BMAL1: variants seen among roughly 807,000 people sequenced by gnomAD.
The protein encoded by BMAL1 is basic helix-loop-helix ARNT like 1.
the BMAL1 span, among the ~76,000 whole-genome samples, chr11:13,306,342 C>CA: frequency 6.6e-6 from 1 of 152,100 alleles, no homozygotes; most frequent in African/African-American, 2.4e-5. Flanking sequence ...CTGGCCGTGA[C>CA]AGTAGAACTG....
At chr11:13,346,234 C>T in the BMAL1 span, among the ~76,000 whole-genome samples, 19 of 152,330 alleles carry the variant, frequency 1.2e-4, no homozygotes, top group Admixed American at 3.9e-4. Context: ...CTGGTTGGGG[C>T]CAGTCACATG....
chr11:13,378,821 A>C, the BMAL1 span: 1 of 212,716 alleles, frequency 4.7e-6, no homozygotes, highest in Non-Finnish European at 9.2e-6. Flanking sequence ...ATGTACCTTT[A>C]CTTTACAGGA....
At chr11:13,360,303 T>C in the BMAL1 span, 1 of 1,556,976 alleles carries the variant, frequency 6.4e-7, no homozygotes, top group South Asian at 1.1e-5. Context: ...AGACATTTTC[T>C]GAATATCAAG....
the BMAL1 span, among the ~76,000 whole-genome samples, chr11:13,323,131 AGTCT>A: frequency 6.6e-6 from 1 of 151,840 alleles, no homozygotes; most frequent in Admixed American, 6.6e-5. Flanking sequence ...AGTAGGAAGG[AGTCT>A]GTCAGCTGTA....
the BMAL1 span, among the ~76,000 whole-genome samples, chr11:13,306,015 C>T: frequency 6.6e-6 from 1 of 152,126 alleles, no homozygotes; most frequent in Admixed American, 6.5e-5. Context: ...CCCAGCTGGT[C>T]TGCCTTCTTC....
At chr11:13,293,951 GA>G in the BMAL1 span, among the ~76,000 whole-genome samples, 5 of 152,096 alleles carry the variant, frequency 3.3e-5, no homozygotes, top group African/African-American at 1.2e-4. Flanking sequence ...TGTTGATTTG[GA>G]AAAAATGTGT....
chr11:13,343,500 C>T, the BMAL1 span, among the ~76,000 whole-genome samples: 5 of 152,292 alleles, frequency 3.3e-5, no homozygotes, highest in East Asian at 1.9e-4. Flanking sequence ...GGCTGCTCAG[C>T]GTTCAGGTGG....
the BMAL1 span, among the ~76,000 whole-genome samples, chr11:13,361,241 A>G: frequency 2.0e-5 from 3 of 152,202 alleles, no homozygotes; most frequent in African/African-American, 4.8e-5. Context: ...AGGTGGCACT[A>G]TGGGAACCTG....
the BMAL1 span, among the ~76,000 whole-genome samples, chr11:13,358,849 G>A: frequency 6.6e-6 from 1 of 152,230 alleles, no homozygotes; most frequent in African/African-American, 2.4e-5. Flanking sequence ...GTATATGCAT[G>A]TAATCAGGCT....
the BMAL1 span, among the ~76,000 whole-genome samples, chr11:13,307,377 C>T: frequency 3.3e-5 from 5 of 152,208 alleles, no homozygotes; most frequent in Admixed American, 3.3e-4. Flanking sequence ...CCAAGGAGCA[C>T]TGATGAGGCC....
chr11:13,324,881 G>A, the BMAL1 span, among the ~76,000 whole-genome samples: 1 of 152,330 alleles, frequency 6.6e-6, no homozygotes, highest in East Asian at 1.9e-4. Flanking sequence ...GAGTGACGTG[G>A]TCAGCACTTT....
the BMAL1 span, among the ~76,000 whole-genome samples, chr11:13,285,403 A>G: frequency 2.0e-5 from 3 of 152,230 alleles, no homozygotes; most frequent in Non-Finnish European, 4.4e-5. Context: ...TGAATAGTGA[A>G]ACACGTTCAT....
the BMAL1 span, among the ~76,000 whole-genome samples, chr11:13,289,750 T>C: frequency 2.0e-5 from 3 of 152,234 alleles, no homozygotes; most frequent in Non-Finnish European, 4.4e-5. Flanking sequence ...CCATGGTACA[T>C]GTGTGCCACA....
At chr11:13,355,323 G>GCC in the BMAL1 span, 6 of 1,609,648 alleles carry the variant, frequency 3.7e-6, no homozygotes, top group African/African-American at 6.7e-5. Flanking sequence ...GATTAAGACA[G>GCC]CCAACACCCA....
chr11:13,313,390 G>A, the BMAL1 span, among the ~76,000 whole-genome samples: 2,788 of 152,168 alleles, frequency 0.018, 46 homozygotes, highest in Non-Finnish European at 0.027. Flanking sequence ...CTCCATATCC[G>A]GTCTGAACCT....
At chr11:13,299,971 C>T in the BMAL1 span, among the ~76,000 whole-genome samples, 488 of 152,262 alleles carry the variant, frequency 3.2e-3, 2 homozygotes, top group Non-Finnish European at 5.2e-3. Flanking sequence ...GAAAGTTGTT[C>T]GCTCATCCAG....
the BMAL1 span, among the ~76,000 whole-genome samples, chr11:13,317,535 A>G: frequency 6.6e-6 from 1 of 152,362 alleles, no homozygotes; most frequent in Admixed American, 6.5e-5. Context: ...ATGGTAAACA[A>G]TACCTGACAG....
At chr11:13,355,186 G>C in the BMAL1 span, 1 of 1,563,510 alleles carries the variant, frequency 6.4e-7, no homozygotes, top group Non-Finnish European at 8.8e-7. Context: ...AAATCTCCGA[G>C]GAGGTATACC....
At chr11:13,350,429 A>G in the BMAL1 span, among the ~76,000 whole-genome samples, 1 of 152,206 alleles carries the variant, frequency 6.6e-6, no homozygotes, top group Non-Finnish European at 1.5e-5. Flanking sequence ...TGAAGGATAA[A>G]TCAGAGAGAA....
Sources: gnomAD v4.1 joint callset for allele counts (sites outside exome capture counted in the v4.1 genomes callset) on GRCh38, gnomAD v4.1.1 for gene constraint, MANE v1.5 for transcripts, NCBI Gene and HGNC (gene_info 2026-07-23, HGNC 2026-07-21) for gene names.